ALK: variants seen among roughly 807,000 people sequenced by gnomAD.
ALK encodes the protein ALK tyrosine kinase receptor.
ALK carries 74 observed loss-of-function variants against 163.1 expected under a neutral mutation model. That is an observed-to-expected ratio of 0.45 (90% CI 0.38 to 0.55). The LOEUF (loss-of-function observed/expected upper bound fraction) is 0.55, where lower values mean the gene tolerates loss of function less well. Ranked by LOEUF, ALK falls within the 20% of genes least tolerant of loss-of-function variation. The pLI, the probability that ALK is intolerant of heterozygous loss-of-function variation, is 0.00. For missense variants in ALK, 2,063 were observed against 2,105.3 expected (o/e 0.98, Z 0.39); for synonymous variants, 960 against 843.2 (o/e 1.14, Z -2.40).
chr2:29,897,523 C>A (rs914247895), intron 1 of ALK, among the ~76,000 whole-genome samples: 8 of 151,964 alleles, frequency 5.3e-5, no homozygotes, highest in African/African-American at 1.9e-4. Flanking sequence ...GGGGTGGGGG[C>A]CCCAGGGAGG....
At chr2:29,305,009 C>T (rs897471444) in intron 8 of ALK, among the ~76,000 whole-genome samples, 5 of 152,178 alleles carry the variant, frequency 3.3e-5, no homozygotes, top group Non-Finnish European at 7.3e-5. Context: ...TCCTGGGCAT[C>T]GGCAGATTTT....
chr2:29,493,906 G>A (rs1671962051), intron 4 of ALK, among the ~76,000 whole-genome samples: 1 of 152,218 alleles, frequency 6.6e-6, no homozygotes, highest in African/African-American at 2.4e-5. Context: ...CAAGCACAAT[G>A]AAGGAGAAGG....
intron 1 of ALK, among the ~76,000 whole-genome samples, chr2:29,775,618 G>C (rs979983937): frequency 6.6e-6 from 1 of 152,002 alleles, no homozygotes. Flanking sequence ...GCAGTGCTTA[G>C]TTAATCACTT....
chr2:29,916,589 T>A (rs4315479), intron 1 of ALK, among the ~76,000 whole-genome samples: 3 of 152,170 alleles, frequency 2.0e-5, no homozygotes, highest in Non-Finnish European at 4.4e-5. Flanking sequence ...CTGACAGATA[T>A]GGGAGTTCAA....
chr2:29,675,122 T>A (rs1470570350), intron 3 of ALK, among the ~76,000 whole-genome samples: 1 of 152,046 alleles, frequency 6.6e-6, no homozygotes, highest in Non-Finnish European at 1.5e-5. Context: ...CTAAATTACA[T>A]ATACAAACCA....
chr2:29,534,435 G>A (rs1421667865), intron 3 of ALK, among the ~76,000 whole-genome samples: 1 of 152,194 alleles, frequency 6.6e-6, no homozygotes, highest in African/African-American at 2.4e-5. Flanking sequence ...TATCTCTGGG[G>A]ACAGAGTCTT....
At chr2:29,405,958 G>T (rs1377780317) in intron 4 of ALK, among the ~76,000 whole-genome samples, 3 of 152,048 alleles carry the variant, frequency 2.0e-5, no homozygotes, top group Non-Finnish European at 4.4e-5. Flanking sequence ...TCCTCTTTCG[G>T]TTTCTGAGTC....
At chr2:29,242,181 T>TGTGGATGG (rs1664542118) in intron 12 of ALK, among the ~76,000 whole-genome samples, 1 of 152,178 alleles carries the variant, frequency 6.6e-6, no homozygotes, top group African/African-American at 2.4e-5. Flanking sequence ...GGGACAGCAG[T>TGTGGATGG]GTGGATGGGC....
chr2:29,896,399 AT>A (rs1233477527), intron 1 of ALK, among the ~76,000 whole-genome samples: 4 of 152,172 alleles, frequency 2.6e-5, no homozygotes, highest in Admixed American at 2.6e-4. Flanking sequence ...ATGTGACTGC[AT>A]TTGGAGATCC....
intron 1 of ALK, among the ~76,000 whole-genome samples, chr2:29,803,966 A>T (rs545673624): frequency 1.8e-4 from 28 of 152,344 alleles, no homozygotes; most frequent in African/African-American, 6.7e-4. Flanking sequence ...TAAATAGATA[A>T]GTAAGATGGG....
At chr2:29,473,892 C>G (rs1271302160) in intron 4 of ALK, among the ~76,000 whole-genome samples, 1 of 136,712 alleles carries the variant, frequency 7.3e-6, no homozygotes, top group Admixed American at 7.4e-5. Flanking sequence ...TTCCTATCCA[C>G]CAGAATGGCT....
At chr2:29,636,490 T>C (rs1340429632) in intron 3 of ALK, among the ~76,000 whole-genome samples, 1 of 152,074 alleles carries the variant, frequency 6.6e-6, no homozygotes, top group Admixed American at 6.6e-5. Flanking sequence ...TGTAAAATTA[T>C]AACACTTTAA....
intron 5 of ALK, among the ~76,000 whole-genome samples, chr2:29,380,625 G>A (rs759450419): frequency 5.3e-5 from 8 of 152,028 alleles, no homozygotes; most frequent in African/African-American, 1.9e-4. Flanking sequence ...GTAGAGACGG[G>A]GTTTCTCCAT....
intron 3 of ALK, among the ~76,000 whole-genome samples, chr2:29,550,422 T>C (rs1160385543): frequency 6.6e-6 from 1 of 152,190 alleles, no homozygotes; most frequent in Non-Finnish European, 1.5e-5. Context: ...AGAGATGGTA[T>C]ATTGCTTTTA....
chr2:29,531,229 G>A (rs1414684919), intron 4 of ALK, among the ~76,000 whole-genome samples: 2 of 152,198 alleles, frequency 1.3e-5, no homozygotes, highest in African/African-American at 4.8e-5. Context: ...CAACGCTGAG[G>A]TCATAGGATG....
In ALK at chr2:29,296,765, C is replaced by A. The variant is rs78817793; in HGVS notation, c.1817+123G>T. ...TGCACGTGCGTGCACGCGCACATAT[C>A]GGTGTGTGGGCACATCTGCATGTGT... is the stretch of plus-strand genomic sequence containing the variant. On this transcript the variant is annotated intron_variant, in intron 9 of 28. Transcript: ENST00000389048. 2.0e-5 allele frequency: 23 copies of A among 1,140,824 alleles called. 1 individual carries two copies. The South Asian group carries it at 3.0e-4, about 15-fold the overall frequency. The allele number at this position is 1,140,824 out of a possible 1,614,324, so 70.7% of individuals were successfully genotyped here.
intron 1 of ALK, among the ~76,000 whole-genome samples, chr2:29,814,547 C>A (rs2148373841): frequency 6.6e-6 from 1 of 152,034 alleles, no homozygotes; most frequent in South Asian, 2.1e-4. Flanking sequence ...GTAGTCCCAG[C>A]TACTCAGGAG....
chr2:29,831,975 C>T (rs1375198329), intron 1 of ALK, among the ~76,000 whole-genome samples: 4 of 152,146 alleles, frequency 2.6e-5, no homozygotes, highest in Non-Finnish European at 5.9e-5. Flanking sequence ...ATGGTCTTAT[C>T]GTTCAAAGAT....
intron 1 of ALK, among the ~76,000 whole-genome samples, chr2:29,855,937 C>T (rs1043629205): frequency 1.2e-4 from 18 of 152,134 alleles, no homozygotes; most frequent in African/African-American, 4.1e-4. Context: ...AATGTGTGAC[C>T]TCATTAATTC....
Sources: gnomAD v4.1 joint callset for allele counts (sites outside exome capture counted in the v4.1 genomes callset) on GRCh38, gnomAD v4.1.1 for gene constraint, MANE v1.5 for transcripts, NCBI Gene and HGNC (gene_info 2026-07-23, HGNC 2026-07-21) for gene names.